Variants in CDH12 observed in about 807,000 individuals in gnomAD.
CDH12 encodes the protein cadherin 12, also known as cadherin-12.
Under a neutral mutation model 74.1 loss-of-function variants are expected in CDH12, and 41 were observed. That is an observed-to-expected ratio of 0.55 (90% CI 0.43 to 0.72). The LOEUF (loss-of-function observed/expected upper bound fraction) is 0.72, where lower values mean the gene tolerates loss of function less well. Among genes scored for constraint, CDH12 ranks in the 30% least tolerant of loss-of-function variants. The pLI, the probability that CDH12 is intolerant of heterozygous loss-of-function variation, is 0.00. For synonymous variants in CDH12, 399 were observed against 355.0 expected, an observed-to-expected ratio of 1.12 and a Z score of -1.39; for missense variants, 945 against 977.2, an observed-to-expected ratio of 0.97 and a Z score of 0.44.
At chr5:22,153,303 G>T (rs536744762) in intron 4 of CDH12, among the ~76,000 whole-genome samples, 9 of 149,924 alleles carry the variant, frequency 6.0e-5, no homozygotes, top group Non-Finnish European at 1.2e-4. Context: ...AATTGCAAAT[G>T]CTGGTTTAGA....
At chr5:22,494,103 G>A (rs2126645012) in intron 2 of CDH12, among the ~76,000 whole-genome samples, 1 of 152,316 alleles carries the variant, frequency 6.6e-6, no homozygotes, top group African/African-American at 2.4e-5. Context: ...CGAGCATGGT[G>A]TACAGTAAGT....
chr5:22,288,031 G>A (rs72742082), intron 3 of CDH12, among the ~76,000 whole-genome samples: 11,047 of 152,182 alleles, frequency 0.073, 534 homozygotes, highest in South Asian at 0.16. Flanking sequence ...AGCATTATGT[G>A]TAAGATCTAC....
intron 1 of CDH12, among the ~76,000 whole-genome samples, chr5:22,560,530 A>G (rs1738998133): frequency 1.3e-5 from 2 of 152,188 alleles, no homozygotes; most frequent in Admixed American, 1.3e-4. Context: ...AAATGTTGAA[A>G]GCAAAAATAT....
intron 7 of CDH12, among the ~76,000 whole-genome samples, chr5:21,843,238 T>A (rs1272330484): frequency 6.6e-6 from 1 of 152,284 alleles, no homozygotes; most frequent in African/African-American, 2.4e-5. Flanking sequence ...ATAGTGTTGT[T>A]TCTTCCTTTA....
At chr5:22,008,773 G>T (rs1737115924) in intron 5 of CDH12, among the ~76,000 whole-genome samples, 1 of 152,110 alleles carries the variant, frequency 6.6e-6, no homozygotes, top group Non-Finnish European at 1.5e-5. Context: ...ATCTGGGATT[G>T]CTCCTGACCT....
At position 22,482,226 on chromosome 5, in the gene CDH12, C is replaced by T. The variant is rs77658609; in HGVS notation, c.-428+23044G>A. On this transcript the variant is annotated intron_variant, in intron 2 of 14. Coordinates refer to ENST00000382254, the MANE Select transcript of CDH12 (RefSeq NM_004061.5). ...ATATTTCAGATAAGAAAACCGAGTT[C>T]AAAAAGAACCAGGATTCTGAAGCAT... Among the ~76,000 whole-genome samples the T allele has an allele frequency of 7.2e-3, 1,090 of 152,168 alleles. 11 individuals carry two copies. The highest frequency in any genetic ancestry group is 0.025 in the African/African-American group (1,054 of 41,516).
intron 8 of CDH12, among the ~76,000 whole-genome samples, chr5:21,833,030 A>G (rs867277696): frequency 2.2e-5 from 1 of 45,174 alleles, no homozygotes; most frequent in Non-Finnish European, 3.5e-5. Flanking sequence ...ATAATATATA[A>G]TATATAATAT....
At chr5:21,822,467 C>G (rs1748427073) in intron 8 of CDH12, among the ~76,000 whole-genome samples, 1 of 151,854 alleles carries the variant, frequency 6.6e-6, no homozygotes, top group Non-Finnish European at 1.5e-5. Flanking sequence ...ACATTTTATG[C>G]CCTCTATTTC....
chr5:21,842,672 A>C (rs2149987055), intron 7 of CDH12, among the ~76,000 whole-genome samples: 1 of 152,308 alleles, frequency 6.6e-6, no homozygotes, highest in Non-Finnish European at 1.5e-5. Context: ...ATTAAAAATT[A>C]GAGGTAAAAT....
intron 3 of CDH12, among the ~76,000 whole-genome samples, chr5:22,371,599 T>C (rs1446633712): frequency 2.0e-5 from 3 of 152,170 alleles, no homozygotes; most frequent in Non-Finnish European, 4.4e-5. Flanking sequence ...TTAACTTGTC[T>C]AAGGCTTTGA....
At chr5:21,930,464 C>T (rs558495781) in intron 6 of CDH12, among the ~76,000 whole-genome samples, 263 of 152,220 alleles carry the variant, frequency 1.7e-3, no homozygotes, top group African/African-American at 6.1e-3. Flanking sequence ...ACAGTCATTT[C>T]CCATCATGCC....
intron 6 of CDH12, among the ~76,000 whole-genome samples, chr5:21,916,774 A>C (rs536080414): frequency 6.8e-4 from 103 of 152,322 alleles, no homozygotes; most frequent in Non-Finnish European, 1.2e-3. Flanking sequence ...CACAGAGTCC[A>C]AGGAATGCGT....
intron 1 of CDH12, among the ~76,000 whole-genome samples, chr5:22,507,194 A>T (rs1474840322): frequency 6.6e-6 from 1 of 152,154 alleles, no homozygotes; most frequent in Non-Finnish European, 1.5e-5. Context: ...CATAGACTGC[A>T]ACAATAAAAA....
chr5:21,973,461 C>T (rs2059165), intron 6 of CDH12, among the ~76,000 whole-genome samples: 5,001 of 152,244 alleles, frequency 0.033, 252 homozygotes, highest in African/African-American at 0.11. Flanking sequence ...ATATTTCTCT[C>T]TTTGGATATG....
intron 1 of CDH12, among the ~76,000 whole-genome samples, chr5:22,639,804 T>C (rs1056344069): frequency 6.6e-6 from 1 of 152,136 alleles, no homozygotes; most frequent in Non-Finnish European, 1.5e-5. Flanking sequence ...ATTTTTAATA[T>C]GATCCACCCC....
chr5:22,047,787 A>G (rs10056055), intron 5 of CDH12, among the ~76,000 whole-genome samples: 34,899 of 151,810 alleles, frequency 0.23, 4,123 homozygotes, highest in South Asian at 0.33. Context: ...ACCTAAAATT[A>G]CTCTTATCAT....
chr5:21,915,588 C>T lies in CDH12; in HGVS notation c.526+59503G>A, dbSNP rs375653219. On this transcript the variant is annotated intron_variant, in intron 6 of 14. Transcript: ENST00000382254. ...TTGAGTTTGAAATGCCAGATTTAGA[C>T]AGCTTTTCCATCAGCAGTGATAGAC... 1.1e-4 allele frequency among the ~76,000 whole-genome samples: 17 copies of T among 152,178 alleles called. No homozygotes were observed. The South Asian group carries it at 3.5e-3, about 32-fold the overall frequency.
chr5:22,423,977 TG>T, intron 2 of CDH12, among the ~76,000 whole-genome samples: 1 of 111,466 alleles, frequency 9.0e-6, no homozygotes, highest in Admixed American at 1.5e-4. Flanking sequence ...CACTCCAGCC[TG>T]GGCGACAGAG....
chr5:22,309,581 G>T (rs2150426989), intron 3 of CDH12, among the ~76,000 whole-genome samples: 1 of 152,218 alleles, frequency 6.6e-6, no homozygotes, highest in South Asian at 2.1e-4. Flanking sequence ...AACTGTGTGT[G>T]TGTATGTGCG....
Sources: allele counts gnomAD v4.1 joint callset (sites outside exome capture counted in the v4.1 genomes callset), GRCh38; gene constraint gnomAD v4.1.1; transcripts MANE v1.5; gene names NCBI Gene and HGNC (gene_info 2026-07-23, HGNC 2026-07-21).